The following NPAS3 variants were observed in gnomAD, a reference collection of about 807,000 sequenced individuals.
NPAS3 encodes neuronal PAS domain protein 3, also known as neuronal PAS domain-containing protein 3.
NPAS3 carries 14 observed loss-of-function variants against 73.1 expected under a neutral mutation model. That is an observed-to-expected ratio of 0.19 (90% CI 0.13 to 0.30). NPAS3 has a LOEUF of 0.30. Ranked by LOEUF, NPAS3 falls within the 10% of genes least tolerant of loss-of-function variation. NPAS3 has a pLI of 1.00. For synonymous variants in NPAS3, 620 were observed against 541.5 expected, an observed-to-expected ratio of 1.14 and a Z score of -2.01; for missense variants, 1,096 against 1,250.0, an observed-to-expected ratio of 0.88 and a Z score of 1.86.
chr14:33,073,383 T>C (rs1386962425), intron 2 of NPAS3, among the ~76,000 whole-genome samples: 1 of 152,140 alleles, frequency 6.6e-6, no homozygotes, highest in African/African-American at 2.4e-5. Context: ...TGCAGATACA[T>C]GTGGAGTTAA....
intron 4 of NPAS3, among the ~76,000 whole-genome samples, chr14:33,411,488 G>A (rs2047926215): frequency 6.6e-6 from 1 of 152,116 alleles, no homozygotes; most frequent in South Asian, 2.1e-4. Context: ...CGGCCTGGAG[G>A]CATTTTTGTT....
At chr14:32,962,569 C>CTT (rs71432096) in intron 1 of NPAS3, among the ~76,000 whole-genome samples, 98 of 110,650 alleles carry the variant, frequency 8.9e-4, no homozygotes, top group African/African-American at 1.2e-3. Context: ...TTTTTCTTTT[C>CTT]TTTTTTTTTT....
chr14:33,017,900 T>G (rs966500555), intron 1 of NPAS3, among the ~76,000 whole-genome samples: 1 of 152,222 alleles, frequency 6.6e-6, no homozygotes, highest in Admixed American at 6.5e-5. Flanking sequence ...GAGCAATACA[T>G]GTAAAGTTCA....
intron 1 of NPAS3, among the ~76,000 whole-genome samples, chr14:32,964,079 A>G (rs1343958478): frequency 6.6e-6 from 1 of 151,650 alleles, no homozygotes; most frequent in East Asian, 1.9e-4. Flanking sequence ...AATATAGACA[A>G]AATGACCGAT....
intron 2 of NPAS3, among the ~76,000 whole-genome samples, chr14:33,077,180 A>G (rs960671370): frequency 3.3e-5 from 5 of 152,204 alleles, no homozygotes; most frequent in African/African-American, 1.2e-4. Flanking sequence ...AGATAACAAT[A>G]AACAGGAAAG....
At chr14:33,225,739 A>G (rs1407281775) in intron 3 of NPAS3, among the ~76,000 whole-genome samples, 1 of 152,168 alleles carries the variant, frequency 6.6e-6, no homozygotes, top group Non-Finnish European at 1.5e-5. Flanking sequence ...GGTGGTACAG[A>G]AACAGGTGGC....
At chr14:33,130,898 T>TTATAA (rs2043611841) in intron 2 of NPAS3, among the ~76,000 whole-genome samples, 1 of 152,176 alleles carries the variant, frequency 6.6e-6, no homozygotes, top group African/African-American at 2.4e-5. Flanking sequence ...GAAGCTTGTG[T>TTATAA]TATAAGAAAC....
At chr14:33,657,432 GAA>G (rs1224940216) in intron 5 of NPAS3, among the ~76,000 whole-genome samples, 1 of 152,160 alleles carries the variant, frequency 6.6e-6, no homozygotes, top group African/African-American at 2.4e-5. Flanking sequence ...CTGAATTCTA[GAA>G]AAGACTTTAA....
At chr14:32,992,645 G>A (rs1228473449) in intron 1 of NPAS3, among the ~76,000 whole-genome samples, 2 of 152,012 alleles carry the variant, frequency 1.3e-5, no homozygotes, top group African/African-American at 4.8e-5. Flanking sequence ...ATTTTCTGAG[G>A]TAAAAAGACA....
At chr14:33,104,134 A>G (rs975288341) in intron 2 of NPAS3, among the ~76,000 whole-genome samples, 2 of 152,172 alleles carry the variant, frequency 1.3e-5, no homozygotes, top group Admixed American at 1.3e-4. Flanking sequence ...AATGTAGACT[A>G]TTGCATCTCC....
chr14:33,498,444 A>G (rs2052323552), intron 4 of NPAS3, among the ~76,000 whole-genome samples: 1 of 152,146 alleles, frequency 6.6e-6, no homozygotes. Context: ...AACCAACCCA[A>G]ATGCCCATCA....
At chr14:33,199,182 G>GT (rs2046511404) in intron 2 of NPAS3, among the ~76,000 whole-genome samples, 1 of 152,202 alleles carries the variant, frequency 6.6e-6, no homozygotes, top group African/African-American at 2.4e-5. Context: ...CCAGAGAGGG[G>GT]TTCCCACAGT....
chr14:33,647,421 T>G (rs183164578), intron 5 of NPAS3, among the ~76,000 whole-genome samples: 132 of 152,192 alleles, frequency 8.7e-4, no homozygotes, highest in South Asian at 3.1e-3. Context: ...TTTGATATAC[T>G]TATGCTGCCT....
intron 3 of NPAS3, among the ~76,000 whole-genome samples, chr14:33,273,723 G>A (rs964353239): frequency 6.6e-6 from 1 of 152,090 alleles, no homozygotes; most frequent in Non-Finnish European, 1.5e-5. Flanking sequence ...TTTAATCTCT[G>A]GATAAACAAT....
intron 2 of NPAS3, among the ~76,000 whole-genome samples, chr14:33,139,213 C>T (rs757276060): frequency 1.3e-5 from 2 of 152,128 alleles, no homozygotes; most frequent in Non-Finnish European, 2.9e-5. Context: ...TAAAACTGAG[C>T]ATCCAACTAT....
intron 1 of NPAS3, among the ~76,000 whole-genome samples, chr14:33,029,377 TG>T (rs2039915903): frequency 6.6e-6 from 1 of 152,176 alleles, no homozygotes; most frequent in Non-Finnish European, 1.5e-5. Flanking sequence ...AGGGAGACTT[TG>T]ATCAAAAGTG....
At chr14:33,143,192 G>T (rs144687449) in intron 2 of NPAS3, among the ~76,000 whole-genome samples, 1 of 150,568 alleles carries the variant, frequency 6.6e-6, no homozygotes, top group Non-Finnish European at 1.5e-5. Context: ...AGTTTATAAG[G>T]TTAAAAAAAG....
At chr14:33,719,928 T>C (rs560748823) in intron 6 of NPAS3, among the ~76,000 whole-genome samples, 1 of 152,242 alleles carries the variant, frequency 6.6e-6, no homozygotes, top group East Asian at 1.9e-4. Flanking sequence ...CATTGGCAGA[T>C]AATAACAGAA....
At chr14:33,379,849 C>G (rs752744099) in intron 4 of NPAS3, among the ~76,000 whole-genome samples, 16 of 152,198 alleles carry the variant, frequency 1.1e-4, no homozygotes, top group Non-Finnish European at 2.1e-4. Context: ...GAAAAGATCT[C>G]TAAATACAAT....
Sources: gnomAD v4.1 joint callset for allele counts (sites outside exome capture counted in the v4.1 genomes callset) on GRCh38, gnomAD v4.1.1 for gene constraint, MANE v1.5 for transcripts, NCBI Gene and HGNC (gene_info 2026-07-23, HGNC 2026-07-21) for gene names.